Variants in PITX1 observed in about 807,000 individuals in gnomAD.
The protein encoded by PITX1 is pituitary homeobox 1.
Under a neutral mutation model 24.1 loss-of-function variants are expected in PITX1, and 5 were observed. The ratio of observed to expected loss-of-function variants is 0.21; its 90% CI spans 0.11 to 0.44. The LOEUF (loss-of-function observed/expected upper bound fraction) is 0.44. Ranked by LOEUF, PITX1 falls within the 20% of genes least tolerant of loss-of-function variation. The probability of loss-of-function intolerance (pLI) is 0.99; values close to 1 mark genes in which losing one functional copy is unlikely to be tolerated. For synonymous variants in PITX1, 213 were observed against 208.9 expected (o/e 1.02, Z -0.17); for missense variants, 401 against 455.4 (o/e 0.88, Z 1.09).
intron 1 of PITX1, 38 bp from the exon 2 acceptor site, chr5:135,031,546 T>C: frequency 1.3e-6 from 2 of 1,532,636 alleles, no homozygotes; most frequent in South Asian, 1.1e-5. Context: ...CACCTGGGCT[T>C]ACGCCCCGTT....
chr5:135,030,615 T>C (rs1580926568), intron 2 of PITX1, among the ~76,000 whole-genome samples: 1 of 152,080 alleles, frequency 6.6e-6, no homozygotes, highest in Non-Finnish European at 1.5e-5. Context: ...TGGTCTTGGG[T>C]CTGAGATGGC....
At position 135,028,342 on chromosome 5, in the gene PITX1, A is replaced by G. The variant is rs9327699; in HGVS notation, c.*437T>C. 0.2 allele frequency: 30,473 copies of G among 152,742 alleles called. 4,627 individuals carry two copies. Among genetic ancestry groups the G allele is most frequent in the African/African-American group, 0.42 (17,597 of 41,496 alleles). 9.5% of individuals were successfully genotyped at this position (152,742 alleles called of 1,614,324 possible). The stretch of plus-strand genomic sequence containing the variant: ...GCACATCCAGTCCGCAGGCCCGGCC[A>G]CTCAGTCCGGATCCAGCGCGGCGGG... On this transcript the variant is annotated 3_prime_UTR_variant, in exon 3 of 3. Transcript: ENST00000265340.
At position 135,031,362 on chromosome 5, in the gene PITX1, C is replaced by T. The variant is rs1353831820; in HGVS notation, c.316G>A (p.Ala106Thr). Reference sequence around the variant, plus strand: ...GGGTAGCGGTTCCTCTGGAACGTGGCCTCTAGCTCTTGCAACTGCTGGCTT... The same window carrying T: ...GGGTAGCGGTTCCTCTGGAACGTGGTCTCTAGCTCTTGCAACTGCTGGCTT... ...FTSQQLQELEATFQRNRYPDM... is the reference protein window; with the variant it reads ...FTSQQLQELETTFQRNRYPDM... The change falls in exon 2 of 3, where the codon GCC (alanine) becomes ACC (threonine). Residue 106 changes from alanine (A) to threonine (T), a missense_variant. Transcript: ENST00000265340. The T allele has an allele frequency of 1.2e-6, 2 of 1,613,990 alleles. No homozygotes were observed. Among genetic ancestry groups the T allele is most frequent in the Admixed American group, 1.7e-5 (1 of 60,004 alleles).
Position 135,028,900 on chromosome 5 carries a change from C to T in PITX1, c.824G>A (p.Arg275Gln), listed in dbSNP as rs1013032115. The change falls in exon 3 of 3, where the codon CGG becomes CAG. Residue 275 changes from arginine (R) to glutamine (Q), a missense_variant. Physicochemically the swap from Arg to Gln is conservative, Grantham distance 43 (BLOSUM62 1). Coordinates refer to ENST00000265340, the MANE Select transcript of PITX1 (RefSeq NM_002653.5). Reference protein sequence around the residue: ...GTPASPYSVYRDTCNSSLASL... With the variant: ...GTPASPYSVYQDTCNSSLASL... ...GGCTAGGCTCGAGTTGCACGTGTCC[C>T]GGTAGACGCTGTAGGGCGAGGCGGG... 1 of 1,613,640 alleles carries T rather than the reference C, an allele frequency of 6.2e-7. No homozygotes were observed. Among genetic ancestry groups the T allele is most frequent in the African/African-American group, 1.3e-5 (1 of 74,920 alleles).
chr5:135,034,332 G>C (rs1752530238), upstream of PITX1: 1 of 151,738 alleles, frequency 6.6e-6, no homozygotes, highest in Non-Finnish European at 1.5e-5. Flanking sequence ...GAGCGAGCGA[G>C]GGAGCGCGGG....
intron 2 of PITX1, among the ~76,000 whole-genome samples, chr5:135,029,619 C>T (rs1752415189): frequency 6.6e-6 from 1 of 152,216 alleles, no homozygotes; most frequent in Non-Finnish European, 1.5e-5. Flanking sequence ...AACCAGTTCA[C>T]CTCTGCCTTC....
rs994396157 is a variant in PITX1 at position 135,033,299 on chromosome 5, T to A, written c.169+414A>T. ...CATTCTGTCGCCTACTGTCACGGTG[T>A]TAACCTCCCTCTCTGTCTCTCTGAG... On this transcript the variant is annotated intron_variant, in intron 1 of 2. Coordinates refer to ENST00000265340, the MANE Select transcript of PITX1 (RefSeq NM_002653.5). The surrounding 1 kb of genome is among the most constrained non-coding windows in gnomAD (Gnocchi z 5.9). 4 of 284,320 alleles carry A rather than the reference T, an allele frequency of 1.4e-5. No homozygotes were observed. The highest frequency in any genetic ancestry group is 2.7e-5 in the Non-Finnish European group (4 of 148,420). The allele number at this position is 284,320 out of a possible 1,614,324, so 17.6% of individuals were successfully genotyped here. A position where few individuals can be genotyped will look rare whatever the true frequency, so the allele number is the denominator to read the frequency against.
At position 135,028,830 on chromosome 5, in the gene PITX1, G is replaced by C. The variant is rs1476739343; in HGVS notation, c.894C>G (p.Gly298=). The stretch of plus-strand genomic sequence containing the variant: ...GGCCCGAGGCCGGGCCCTGCAGGCC[G>C]CCGTAGCCAAACGACGAGTGCTGTT... ...KSKQHSSFGY[G]GLQGPASGLN... Residue 298 remains glycine (G), a synonymous_variant, in exon 3 of 3, where the codon GGC becomes GGG. Coordinates refer to ENST00000265340, the MANE Select transcript of PITX1 (RefSeq NM_002653.5). 1 of 1,612,976 alleles carries C rather than the reference G, an allele frequency of 6.2e-7. No individual in the cohort carries two copies. The highest frequency in any genetic ancestry group is 2.2e-5 in the East Asian group (1 of 44,840).
Position 135,028,941 on chromosome 5 carries a change from A to G in PITX1, c.783T>C (p.Ala261=), listed in dbSNP as rs1251776581. ...SSLNSAMSPG[A]CPYGTPASPY... ...GCGAGGCGGGAGTGCCGTACGGGCA[A>G]GCGCCCGGCGACATGGCCGAGTTGA... is the stretch of plus-strand genomic sequence containing the variant. Residue 261 remains alanine (A), a synonymous_variant, in exon 3 of 3, where the codon GCT becomes GCC. Transcript: ENST00000265340. 6.2e-7 allele frequency: 1 copy of G among 1,613,854 alleles called. No individual in the cohort carries two copies. The highest frequency in any genetic ancestry group is 8.5e-7 in the Non-Finnish European group (1 of 1,179,964).
chr5:135,033,169 C>A lies in PITX1; in HGVS notation c.169+544G>T, dbSNP rs1415766415. 6.2e-6 allele frequency: 2 copies of A among 323,052 alleles called. No homozygotes were observed. Among genetic ancestry groups the A allele is most frequent in the South Asian group, 4.6e-5 (2 of 43,680 alleles). The allele number at this position is 323,052 out of a possible 1,614,324, so 20.0% of individuals were successfully genotyped here. ...TGGCCTTGCTGGGAGTCCGGCCGCG[C>A]CTGTTGGCCCGCTCGCCCTCACCGT... is the stretch of plus-strand genomic sequence containing the variant. On this transcript the variant is annotated intron_variant, in intron 1 of 2. Transcript: ENST00000265340. This position sits in a 1 kb window ranked among gnomAD's most constrained non-coding sequence, Gnocchi z 5.9.
At position 135,031,309 on chromosome 5, in the gene PITX1, G is replaced by T; in HGVS notation, c.369C>A (p.Ala123=). 1 of 1,614,058 alleles carries T rather than the reference G, an allele frequency of 6.2e-7. No individual in the cohort carries two copies. Among genetic ancestry groups the T allele is most frequent in the Admixed American group, 1.7e-5 (1 of 60,022 alleles). Residue 123 remains alanine (A), a synonymous_variant, in exon 2 of 3, where the codon GCC becomes GCA. Coordinates refer to ENST00000265340, the MANE Select transcript of PITX1 (RefSeq NM_002653.5). ...GCGGCTCGGTGAGGTTGGTCCACAC[G>T]GCGATCTCCTCCCTCATGCTCATGT... ...YPDMSMREEI[A]VWTNLTEPRV...
In PITX1 at chr5:135,029,330, G is replaced by A. The variant is rs370998912; in HGVS notation, c.403-9C>T. On this transcript the variant is annotated splice_polypyrimidine_tract_variant and intron_variant, in intron 2 of 2. Transcript: ENST00000265340. Reference sequence around the variant, plus strand: ...CGGTTCTTGAACCAGACCTGGGGGAGGGGACGGGAGAAGGGTCAGGGCCGC... The same window carrying A: ...CGGTTCTTGAACCAGACCTGGGGGAAGGGACGGGAGAAGGGTCAGGGCCGC... The A allele has an allele frequency of 1.0e-4, 164 of 1,582,412 alleles. No individual in the cohort carries two copies. The highest frequency in any genetic ancestry group is 1.4e-4 in the Non-Finnish European group (158 of 1,163,714).
rs369214320 is a variant in PITX1 at position 135,028,935 on chromosome 5, C to A, written c.789G>T (p.Pro263=). The A allele has an allele frequency of 2.5e-6, 4 of 1,613,852 alleles. No homozygotes were observed. The African/African-American group carries it at 4.0e-5, about 16-fold the overall frequency. The change falls in exon 3 of 3, where the codon CCG becomes CCT. Residue 263 remains proline (P), a synonymous_variant. Transcript: ENST00000265340. ...TGTAGGGCGAGGCGGGAGTGCCGTACGGGCAAGCGCCCGGCGACATGGCCG... is the reference window on the plus strand; with the variant it reads ...TGTAGGGCGAGGCGGGAGTGCCGTAAGGGCAAGCGCCCGGCGACATGGCCG... ...LNSAMSPGAC[P]YGTPASPYSV...
At chr5:135,031,991 G>A (rs190898055) in intron 1 of PITX1, 50 of 158,822 alleles carry the variant, frequency 3.1e-4, no homozygotes, top group African/African-American at 8.2e-4. Flanking sequence ...CCGGGTTCTC[G>A]GCCTTGCTTC....
Position 135,028,646 on chromosome 5 carries a change from G to A in PITX1, c.*133C>T. On this transcript the variant is annotated 3_prime_UTR_variant, in exon 3 of 3. Transcript: ENST00000265340. ...AACCCGGAGTGGGAAGTGGGAGGAG[G>A]GGGCTGCGCAGGTGTGAGGTCCGCG... The A allele has an allele frequency of 2.2e-6, 1 of 464,262 alleles. No individual in the cohort carries two copies. Among genetic ancestry groups the A allele is most frequent in the East Asian group, 4.5e-5 (1 of 22,364 alleles). 28.8% of individuals were successfully genotyped at this position (464,262 alleles called of 1,614,324 possible). A position where few individuals can be genotyped will look rare whatever the true frequency, so the allele number is the denominator to read the frequency against.
At chr5:135,031,704 C>G in intron 1 of PITX1, 196 bp from the exon 2 acceptor site, 2 of 600,522 alleles carry the variant, frequency 3.3e-6, no homozygotes, top group East Asian at 2.8e-5. Context: ...TCTGGTGTGC[C>G]GCGGAGAAGA....
chr5:135,030,712 AGGCAAAG>A (rs1414113689), intron 2 of PITX1, among the ~76,000 whole-genome samples: 4 of 152,200 alleles, frequency 2.6e-5, no homozygotes, highest in African/African-American at 9.7e-5. Flanking sequence ...AAAGGGCAGA[AGGCAAAG>A]GGTCCTACTG....
In PITX1 at chr5:135,031,499, C is replaced by G; in HGVS notation, c.179G>C (p.Arg60Pro). 1 of 1,610,972 alleles carries G rather than the reference C, an allele frequency of 6.2e-7. No homozygotes were observed. The highest frequency in any genetic ancestry group is 8.5e-7 in the Non-Finnish European group (1 of 1,179,522). The change falls in exon 2 of 3, where the codon CGC (arginine) becomes CCC (proline). Residue 60 changes from arginine (R) to proline (P), a missense_variant. By Grantham distance (103) the Arg-to-Pro change is moderately radical. This residue lies in a region of PITX1 where 136 missense variants were observed against 133.3 expected (regional missense o/e 1.02). Coordinates refer to ENST00000265340, the MANE Select transcript of PITX1 (RefSeq NM_002653.5). ...CTCGGGCCCCTTGGGTTCCCCGCCG[C>G]GCTCCTTCTCTGCAGTAGGCAGGAC... ...SSDTELPEKE[R>P]GGEPKGPEDS...
In PITX1 at chr5:135,029,047, G is replaced by T. The variant is rs763006479; in HGVS notation, c.677C>A (p.Pro226Gln). Reference sequence around the variant, plus strand: ...CACGGCGCCTGGGCCCATGCTGGACGGCATGGTCATGGAGGAGATGGAGCT... The same window carrying T: ...CACGGCGCCTGGGCCCATGCTGGACTGCATGGTCATGGAGGAGATGGAGCT... ...APSSISSMTMPSSMGPGAVPG... is the reference protein window; with the variant it reads ...APSSISSMTMQSSMGPGAVPG... The change falls in exon 3 of 3, where the codon CCG (proline) becomes CAG (glutamine). Residue 226 changes from proline to glutamine, a missense_variant. By Grantham distance (76) the Pro-to-Gln change is moderately conservative. Transcript: ENST00000265340. 26 of 1,614,102 alleles carry T rather than the reference G, an allele frequency of 1.6e-5. No individual in the cohort carries two copies. The highest frequency in any genetic ancestry group is 1.6e-4 in the Middle Eastern group (1 of 6,082).
Sources: allele counts gnomAD v4.1 joint callset (sites outside exome capture counted in the v4.1 genomes callset), GRCh38; gene constraint gnomAD v4.1.1; regional missense constraint gnomAD v4.1.1; non-coding constraint Gnocchi (gnomAD v3.1); transcripts MANE v1.5; gene names NCBI Gene and HGNC (gene_info 2026-07-23, HGNC 2026-07-21).